Variants in PCDHGC5 observed in about 807,000 individuals in gnomAD.
PCDHGC5 encodes protocadherin gamma-C5.
PCDHGC5 carries 25 observed loss-of-function variants against 59.0 expected under a neutral mutation model. That is an observed-to-expected ratio of 0.42 (90% CI 0.31 to 0.59). The LOEUF (loss-of-function observed/expected upper bound fraction) is 0.59. PCDHGC5 is among the 20% of genes least tolerant of loss of function. The pLI is 0.13. For synonymous variants in PCDHGC5, 434 were observed against 505.5 expected, an observed-to-expected ratio of 0.86 and a Z score of 1.90; for missense variants, 1,067 against 1,206.4, an observed-to-expected ratio of 0.88 and a Z score of 1.71.
intron 2 of PCDHGC5, among the ~76,000 whole-genome samples, chr5:141,502,866 C>CTTTTTTCTT (rs2099816532): frequency 7.8e-6 from 1 of 128,046 alleles, no homozygotes; most frequent in African/African-American, 3.1e-5. Context: ...GACTCTCTGT[C>CTTTTTTCTT]TTTTTTTTTT....
chr5:141,489,159 T>G lies in PCDHGC5; in HGVS notation c.-82T>G. On this transcript the variant is annotated 5_prime_UTR_variant, in exon 1 of 4. Transcript: ENST00000252087. This position sits in a 1 kb window ranked among gnomAD's most constrained non-coding sequence, Gnocchi z 4.5. ...AGGCTGGAAGGAGACATAAGAGACT[T>G]CAGCTGCTGCATTCCAAGCCCTGGG... is the stretch of plus-strand genomic sequence containing the variant. 2 of 1,023,152 alleles carry G rather than the reference T, an allele frequency of 2.0e-6. No individual in the cohort carries two copies. Among genetic ancestry groups the G allele is most frequent in the Non-Finnish European group, 2.9e-6 (2 of 697,120 alleles). The allele number at this position is 1,023,152 out of a possible 1,614,324, so 63.4% of individuals were successfully genotyped here. A position where few individuals can be genotyped will look rare whatever the true frequency, so the allele number is the denominator to read the frequency against.
Position 141,491,454 on chromosome 5 carries a change from C to T in PCDHGC5, c.2214C>T (p.Ser738=). The T allele has an allele frequency of 1.9e-6, 3 of 1,614,120 alleles. No individual in the cohort carries two copies. The highest frequency in any genetic ancestry group is 2.5e-6 in the Non-Finnish European group (3 of 1,180,032). Residue 738 remains serine (S), a synonymous_variant, in exon 1 of 4, where the codon TCC becomes TCT. Coordinates refer to ENST00000252087, the MANE Select transcript of PCDHGC5 (RefSeq NM_018929.3). This position sits in a 1 kb window ranked among gnomAD's most constrained non-coding sequence, Gnocchi z 6.9. ...GCTGCAGGCGCCAGGACTCACCCTCCCCGGACTTCTATAAGCAGTCCAGCC... is the reference window on the plus strand; with the variant it reads ...GCTGCAGGCGCCAGGACTCACCCTCTCCGGACTTCTATAAGCAGTCCAGCC... ...GQCCRRQDSP[S]PDFYKQSSPN...
intron 1 of PCDHGC5, 63 bp from the exon 2 acceptor site, chr5:141,494,744 G>T: frequency 6.2e-7 from 1 of 1,612,702 alleles, no homozygotes; most frequent in South Asian, 1.1e-5. Flanking sequence ...CATCCCTAGG[G>T]GCTCGGGTGA....
chr5:141,505,259 C>A, intron 2 of PCDHGC5, 134 bp from the exon 3 acceptor site: 1 of 1,500,262 alleles, frequency 6.7e-7, no homozygotes, highest in Non-Finnish European at 8.9e-7. Context: ...GTGCCTCCTA[C>A]CTTGCTGAGA....
At chr5:141,508,642 T>A (rs893357826) in intron 3 of PCDHGC5, among the ~76,000 whole-genome samples, 13 of 152,070 alleles carry the variant, frequency 8.5e-5, no homozygotes, top group Admixed American at 2.6e-4. Flanking sequence ...AGCTACTCCG[T>A]CAGGCCCTTC....
chr5:141,504,434 A>C (rs2099838201), intron 2 of PCDHGC5, among the ~76,000 whole-genome samples: 1 of 152,234 alleles, frequency 6.6e-6, no homozygotes, highest in South Asian at 2.1e-4. Flanking sequence ...CAACAGCTGC[A>C]GTGTGACTAG....
chr5:141,491,508 G>T lies in PCDHGC5; in HGVS notation c.2268G>T (p.Thr756=). 1 of 1,614,030 alleles carries T rather than the reference G, an allele frequency of 6.2e-7. No homozygotes were observed. Among genetic ancestry groups the T allele is most frequent in the Non-Finnish European group, 8.5e-7 (1 of 1,180,014 alleles). ...SPNLQVSSDG[T]LKYMEVTLRP... ...ACCTGCAGGTGAGCTCGGACGGCACGCTCAAGTACATGGAGGTGACGCTGC... is the reference window on the plus strand; with the variant it reads ...ACCTGCAGGTGAGCTCGGACGGCACTCTCAAGTACATGGAGGTGACGCTGC... The change falls in exon 1 of 4, where the codon ACG becomes ACT. Residue 756 remains threonine (T), a synonymous_variant. Transcript: ENST00000252087. The surrounding 1 kb of genome is among the most constrained non-coding windows in gnomAD (Gnocchi z 6.9).
At position 141,508,878 on chromosome 5, in the gene PCDHGC5, C is replaced by A. The variant is rs189735747; in HGVS notation, c.2609-2069C>A. The stretch of plus-strand genomic sequence containing the variant: ...GGCTGGGAAAGGCTGAAGAGGCTGA[C>A]GGCTGGAGGGGAGGGGGCGGGGCGG... On this transcript the variant is annotated intron_variant, in intron 3 of 3. Transcript: ENST00000252087. Among the ~76,000 whole-genome samples, 561 of 152,074 alleles carry A rather than the reference C, an allele frequency of 3.7e-3. 3 individuals carry two copies. The highest frequency in any genetic ancestry group is 0.012 in the African/African-American group (508 of 41,498).
In PCDHGC5 at chr5:141,510,915, A is replaced by G; in HGVS notation, c.2609-32A>G. 8 of 1,613,786 alleles carry G rather than the reference A, an allele frequency of 5.0e-6. No individual in the cohort carries two copies. The South Asian group carries it at 8.8e-5, about 18-fold the overall frequency. ...AGTGACTGTTGAGGACCCTAAGTTT[A>G]GCTCCCACCTGATCTTCCTCTGTCT... On this transcript the variant is annotated intron_variant, in intron 3 of 3. Coordinates refer to ENST00000252087, the MANE Select transcript of PCDHGC5 (RefSeq NM_018929.3).
chr5:141,510,839 C>T (rs186647886), intron 3 of PCDHGC5, 108 bp from the exon 4 acceptor site: 36 of 1,586,990 alleles, frequency 2.3e-5, no homozygotes, highest in Non-Finnish European at 3.1e-5. Context: ...TCAGCGTGGT[C>T]AAGGCCCAGG....
In PCDHGC5 at chr5:141,489,307, T is replaced by A; in HGVS notation, c.67T>A (p.Cys23Ser). The change falls in exon 1 of 4, where the codon TGC (cysteine) becomes AGC (serine). Residue 23 changes from cysteine (C) to serine (S), a missense_variant. By Grantham distance (112) the Cys-to-Ser change is moderately radical. Transcript: ENST00000252087. The surrounding 1 kb of genome is among the most constrained non-coding windows in gnomAD (Gnocchi z 4.5). ...WQVLCMLSLC[C>S]WGWVSGQLRY... ...AGTGCTGTGCATGTTGTCCTTGTGCTGCTGGGGCTGGGTGTCTGGGCAGCT... is the reference window on the plus strand; with the variant it reads ...AGTGCTGTGCATGTTGTCCTTGTGCAGCTGGGGCTGGGTGTCTGGGCAGCT... The A allele has an allele frequency of 6.3e-7, 1 of 1,591,138 alleles. No individual in the cohort carries two copies. The highest frequency in any genetic ancestry group is 8.6e-7 in the Non-Finnish European group (1 of 1,168,222).
At position 141,494,833 on chromosome 5, in the gene PCDHGC5, T is replaced by C. The variant is rs537340090; in HGVS notation, c.2487T>C (p.Arg829=). 1 of 1,614,094 alleles carries C rather than the reference T, an allele frequency of 6.2e-7. No homozygotes were observed. The highest frequency in any genetic ancestry group is 1.7e-5 in the Admixed American group (1 of 60,014). Residue 829 remains arginine, a synonymous_variant, in exon 2 of 4, where the codon CGT becomes CGC. Coordinates refer to ENST00000252087, the MANE Select transcript of PCDHGC5 (RefSeq NM_018929.3). ...SQQAPPNTDW[R]FSQAQRPGTS... Reference sequence around the variant, plus strand: ...AAGCCCCGCCCAACACGGACTGGCGTTTCTCTCAGGCCCAGAGACCCGGCA... The same window carrying C: ...AAGCCCCGCCCAACACGGACTGGCGCTTCTCTCAGGCCCAGAGACCCGGCA...
chr5:141,507,872 C>T (rs2099864458), intron 3 of PCDHGC5, among the ~76,000 whole-genome samples: 1 of 152,168 alleles, frequency 6.6e-6, no homozygotes, highest in African/African-American at 2.4e-5. Flanking sequence ...GCTTCCTAGC[C>T]CTGAAACCAG....
At chr5:141,492,216 C>T (rs1163022229) in intron 1 of PCDHGC5, among the ~76,000 whole-genome samples, 1 of 152,140 alleles carries the variant, frequency 6.6e-6, no homozygotes, top group Non-Finnish European at 1.5e-5. Context: ...GCGCGGGGCT[C>T]ATGCGTGTCC....
rs2099745591 is a variant in PCDHGC5, at chr5:141,492,999, T to C, written c.2460+1299T>C. Among the ~76,000 whole-genome samples, 3 of 152,350 alleles carry C rather than the reference T, an allele frequency of 2.0e-5. No homozygotes were observed. In the South Asian group the frequency reaches 6.2e-4, roughly 32 times the overall value. ...CTGTCTCCTCTGGCAGATGGAAAGCTATAGGCTCTGCCAGATGCCAGGGTG... is the reference window on the plus strand; with the variant it reads ...CTGTCTCCTCTGGCAGATGGAAAGCCATAGGCTCTGCCAGATGCCAGGGTG... On this transcript the variant is annotated intron_variant, in intron 1 of 3. Coordinates refer to ENST00000252087, the MANE Select transcript of PCDHGC5 (RefSeq NM_018929.3).
In PCDHGC5 at chr5:141,489,523, C is replaced by CT. The variant is rs1379784656; in HGVS notation, c.284dup (p.Cys96MetfsTer16). On this transcript the variant is annotated frameshift_variant, in exon 1 of 4. Coordinates refer to ENST00000252087, the MANE Select transcript of PCDHGC5 (RefSeq NM_018929.3). LOFTEE classifies it high-confidence loss of function. The surrounding 1 kb of genome is among the most constrained non-coding windows in gnomAD (Gnocchi z 4.5). ...GAATCAAAAGATTGACCGAGAAAGC[C>CT]TATGTGGAGCCAGCACCAGCTGCCT... 1 of 1,614,006 alleles carries CT rather than the reference C, an allele frequency of 6.2e-7. No homozygotes were observed. Among genetic ancestry groups the CT allele is most frequent in the Non-Finnish European group, 8.5e-7 (1 of 1,180,044 alleles).
intron 1 of PCDHGC5, among the ~76,000 whole-genome samples, chr5:141,494,392 A>C (rs1296077484): frequency 1.3e-5 from 2 of 152,258 alleles, no homozygotes; most frequent in East Asian, 3.9e-4. Flanking sequence ...GAGTTGAATA[A>C]ATTCATTCTA....
rs953182246 is a variant in PCDHGC5, at chr5:141,511,757, C to T, written c.*584C>T. ...CTCAAGTTTTGGAGGACATGATCAC[C>T]ATCCCCATGGTACTGATGCTTGCTG... is the stretch of plus-strand genomic sequence containing the variant. On this transcript the variant is annotated 3_prime_UTR_variant, in exon 4 of 4. Coordinates refer to ENST00000252087, the MANE Select transcript of PCDHGC5 (RefSeq NM_018929.3). The T allele has an allele frequency of 6.9e-5, 12 of 174,122 alleles. No individual in the cohort carries two copies. The highest frequency in any genetic ancestry group is 2.8e-4 in the African/African-American group (12 of 42,412). The allele number at this position is 174,122 out of a possible 1,614,324, so 10.8% of individuals were successfully genotyped here.
Position 141,489,575 on chromosome 5 carries a change from AC to A in PCDHGC5, c.340del (p.Leu114TrpfsTer3). On this transcript the variant is annotated frameshift_variant, in exon 1 of 4. Coordinates refer to ENST00000252087, the MANE Select transcript of PCDHGC5 (RefSeq NM_018929.3). LOFTEE classifies it high-confidence loss of function. This position sits in a 1 kb window ranked among gnomAD's most constrained non-coding sequence, Gnocchi z 4.5. ...CTGCCAGTGCAGGTGGTGACTGAAC[AC>A]CCCCTGGAGCTAATCCGTGTAGAGG... ...CLLPVQVVTE[H>X]PLELIRVEVE... is the part of the protein sequence containing the mutation. 1 of 1,613,788 alleles carries A rather than the reference AC, an allele frequency of 6.2e-7. No individual in the cohort carries two copies. Among genetic ancestry groups the A allele is most frequent in the Middle Eastern group, 1.6e-4 (1 of 6,062 alleles).
Sources: gnomAD v4.1 joint callset for allele counts (sites outside exome capture counted in the v4.1 genomes callset) on GRCh38, gnomAD v4.1.1 for gene constraint, Gnocchi (gnomAD v3.1) non-coding constraint, MANE v1.5 for transcripts, NCBI Gene and HGNC (gene_info 2026-07-23, HGNC 2026-07-21) for gene names.